Variants in PDGFD observed in about 807,000 individuals in gnomAD.
PDGFD encodes the protein platelet derived growth factor D, also known as platelet-derived growth factor D.
In PDGFD, 30 loss-of-function variants were observed where a neutral mutation model predicts 44.7. The observed-to-expected ratio is 0.67, with a 90% CI of 0.50 to 0.91. The LOEUF is 0.91. Ranked by LOEUF, PDGFD falls within the 40% of genes least tolerant of loss-of-function variation. The pLI is 0.00. For synonymous variants in PDGFD, 173 were observed against 168.4 expected, an observed-to-expected ratio of 1.03 and a Z score of -0.21; for missense variants, 445 against 457.8, an observed-to-expected ratio of 0.97 and a Z score of 0.25.
At chr11:104,154,300 C>T (rs936464125) in intron 1 of PDGFD, among the ~76,000 whole-genome samples, 33 of 152,230 alleles carry the variant, frequency 2.2e-4, no homozygotes, top group African/African-American at 7.9e-4. Context: ...AATATTGCTT[C>T]TTCAAATAAC....
rs1857989024 is a variant in PDGFD, at chr11:103,909,220, CTTT to C, written c.*471_*473del. ...TGATTTTTAATATACAAGATGCTTT[CTTT>C]AAGAGAGCAAGATTCAAAATTGTTT... On this transcript the variant is annotated 3_prime_UTR_variant, in exon 7 of 7. Coordinates refer to ENST00000393158, the MANE Select transcript of PDGFD (RefSeq NM_025208.5). 1 of 152,772 alleles carries C rather than the reference CTTT, an allele frequency of 6.5e-6. No individual in the cohort carries two copies. The allele number at this position is 152,772 out of a possible 1,614,324, so 9.5% of individuals were successfully genotyped here. A position where few individuals can be genotyped will look rare whatever the true frequency, so the allele number is the denominator to read the frequency against.
chr11:103,955,283 G>A (rs922019325), intron 3 of PDGFD, among the ~76,000 whole-genome samples: 1 of 147,870 alleles, frequency 6.8e-6, no homozygotes, highest in African/African-American at 2.5e-5. Flanking sequence ...ACTCTGCTCT[G>A]TTCATGACCC....
At chr11:104,032,623 CTG>C (rs2134390725) in intron 1 of PDGFD, among the ~76,000 whole-genome samples, 1 of 150,726 alleles carries the variant, frequency 6.6e-6, no homozygotes, top group South Asian at 2.1e-4. Context: ...ACTATCATAA[CTG>C]AAACCATCAG....
intron 1 of PDGFD, chr11:104,039,205 T>G (rs543661318): frequency 6.0e-6 from 1 of 166,934 alleles, no homozygotes; most frequent in East Asian, 1.9e-4. Context: ...AAGATGTGTA[T>G]GTTTTGATTA....
At chr11:104,056,529 A>G (rs2134410313) in intron 1 of PDGFD, among the ~76,000 whole-genome samples, 1 of 152,210 alleles carries the variant, frequency 6.6e-6, no homozygotes, top group East Asian at 1.9e-4. Flanking sequence ...GGAGAAGGCC[A>G]TGTGAGGATA....
chr11:103,984,267 G>T (rs1859319133), intron 3 of PDGFD, among the ~76,000 whole-genome samples: 1 of 151,678 alleles, frequency 6.6e-6, no homozygotes, highest in African/African-American at 2.4e-5. Flanking sequence ...CAGGGACATG[G>T]ATGGACCTGG....
intron 1 of PDGFD, among the ~76,000 whole-genome samples, chr11:104,083,680 A>C (rs532313040): frequency 6.6e-6 from 1 of 152,338 alleles, no homozygotes; most frequent in African/African-American, 2.4e-5. Context: ...AAGACTGAAA[A>C]AAATCTTAAA....
chr11:104,151,052 C>T (rs528105161), intron 1 of PDGFD, among the ~76,000 whole-genome samples: 1 of 152,180 alleles, frequency 6.6e-6, no homozygotes, highest in East Asian at 1.9e-4. Flanking sequence ...GAATACATCC[C>T]AATTTTTATA....
intron 1 of PDGFD, among the ~76,000 whole-genome samples, chr11:104,066,963 T>C (rs1467998452): frequency 6.6e-6 from 1 of 152,222 alleles, no homozygotes; most frequent in African/African-American, 2.4e-5. Flanking sequence ...CTAATAGTTA[T>C]TGTGGACCAA....
At chr11:103,997,671 C>T (rs958843024) in intron 2 of PDGFD, among the ~76,000 whole-genome samples, 5 of 152,160 alleles carry the variant, frequency 3.3e-5, no homozygotes, top group Non-Finnish European at 5.9e-5. Context: ...GGCTTTGGAA[C>T]AGATGGTAGG....
At chr11:103,987,815 G>T (rs577150077) in intron 3 of PDGFD, among the ~76,000 whole-genome samples, 1 of 151,728 alleles carries the variant, frequency 6.6e-6, no homozygotes, top group East Asian at 1.9e-4. Context: ...TGCAGGCAAC[G>T]CCCTCTTCCC....
intron 6 of PDGFD, among the ~76,000 whole-genome samples, chr11:103,921,382 C>CT (rs746106927): frequency 4.0e-5 from 6 of 151,836 alleles, no homozygotes; most frequent in African/African-American, 4.8e-5. Context: ...AATTTAGGTA[C>CT]TTTTTTTTCA....
intron 1 of PDGFD, among the ~76,000 whole-genome samples, chr11:104,060,308 G>T (rs756801576): frequency 2.6e-5 from 4 of 152,172 alleles, no homozygotes; most frequent in Non-Finnish European, 4.4e-5. Context: ...GACTCATGTG[G>T]CTTCCTCTTT....
intron 1 of PDGFD, 76 bp from the exon 2 acceptor site, chr11:104,000,331 C>T (rs1859601796): frequency 8.1e-7 from 1 of 1,228,440 alleles, no homozygotes. Flanking sequence ...GAACAGTTTA[C>T]AACACATCAT....
chr11:104,122,985 G>A (rs1032767870), intron 1 of PDGFD, among the ~76,000 whole-genome samples: 6 of 152,028 alleles, frequency 3.9e-5, no homozygotes, highest in South Asian at 2.1e-4. Flanking sequence ...ACACACAGCT[G>A]TATTTACATT....
At chr11:104,115,227 C>T (rs910137331) in intron 1 of PDGFD, among the ~76,000 whole-genome samples, 4 of 150,778 alleles carry the variant, frequency 2.7e-5, no homozygotes, top group African/African-American at 7.3e-5. Context: ...GCCATTAATT[C>T]ATTCCTTATT....
At chr11:104,136,919 T>C (rs141469192) in intron 1 of PDGFD, among the ~76,000 whole-genome samples, 44 of 152,320 alleles carry the variant, frequency 2.9e-4, no homozygotes, top group Middle Eastern at 3.4e-3. Context: ...TCATACATCA[T>C]AGGATTTTAG....
intron 3 of PDGFD, among the ~76,000 whole-genome samples, chr11:103,953,696 C>A (rs951309797): frequency 2.0e-5 from 3 of 152,072 alleles, no homozygotes; most frequent in Admixed American, 6.5e-5. Flanking sequence ...AAAGAGGATT[C>A]TTTATAAATG....
chr11:103,984,295 A>C (rs1471931854), intron 3 of PDGFD, among the ~76,000 whole-genome samples: 1 of 151,734 alleles, frequency 6.6e-6, no homozygotes. Context: ...TATCCTCAGC[A>C]AACTAATGCA....
Sources: gnomAD v4.1 joint callset for allele counts (sites outside exome capture counted in the v4.1 genomes callset) on GRCh38, gnomAD v4.1.1 for gene constraint, MANE v1.5 for transcripts, NCBI Gene and HGNC (gene_info 2026-07-23, HGNC 2026-07-21) for gene names.